The following SMARCA4 variants were observed in gnomAD, a reference collection of about 807,000 sequenced individuals.
SMARCA4 encodes SWI/SNF-related matrix-associated actin-dependent regulator of chromatin subfamily A member 4.
Under a neutral mutation model 193.9 loss-of-function variants are expected in SMARCA4, and 31 were observed. The observed-to-expected ratio is 0.16, with a 90% CI of 0.12 to 0.22. SMARCA4 has a LOEUF of 0.22. Among genes scored for constraint, SMARCA4 ranks in the 10% least tolerant of loss-of-function variants. The probability of loss-of-function intolerance (pLI) is 1.00; values close to 1 mark genes in which losing one functional copy is unlikely to be tolerated. For synonymous variants in SMARCA4, 942 were observed against 933.1 expected, an observed-to-expected ratio of 1.01 and a Z score of -0.17; for missense variants, 1,148 against 2,296.0, an observed-to-expected ratio of 0.50 and a Z score of 10.22.
intron 16 of SMARCA4, among the ~76,000 whole-genome samples, chr19:11,014,995 A>G (rs1438497976): frequency 2.0e-5 from 3 of 151,852 alleles, no homozygotes; most frequent in Non-Finnish European, 4.4e-5. Flanking sequence ...TTGCATTTTT[A>G]GTAGAGACAG....
chr19:10,995,259 G>A (rs1202424114), intron 9 of SMARCA4: 1 of 628,990 alleles, frequency 1.6e-6, no homozygotes, highest in Non-Finnish European at 3.0e-6. Context: ...TGGAGGTGGT[G>A]CCCCCTTCCC....
At chr19:11,018,195 G>C (rs900374671) in intron 16 of SMARCA4, 10 of 159,844 alleles carry the variant, frequency 6.3e-5, no homozygotes, top group African/African-American at 2.4e-4. Context: ...GGACCACCCC[G>C]TCTAGACTTT....
At position 11,002,349 on chromosome 19, in the gene SMARCA4, G is replaced by A. The variant is rs960582865; in HGVS notation, c.1813-680G>A. 4.6e-5 allele frequency among the ~76,000 whole-genome samples: 7 copies of A among 152,048 alleles called. No homozygotes were observed. The South Asian group carries it at 1.0e-3, about 23-fold the overall frequency. ...TAAAAATTAGCTGGGCATGGTGATG[G>A]GCACCTGTAGTCCCAGCTACTCTGG... is the stretch of plus-strand genomic sequence containing the variant. On this transcript the variant is annotated intron_variant, in intron 11 of 34. Transcript: ENST00000344626.
chr19:11,000,396 C>T (rs963480103), intron 11 of SMARCA4, among the ~76,000 whole-genome samples: 7 of 151,984 alleles, frequency 4.6e-5, no homozygotes, highest in African/African-American at 9.7e-5. Flanking sequence ...AGGCTTGGTG[C>T]GCACGCCTGT....
intron 30 of SMARCA4, among the ~76,000 whole-genome samples, chr19:11,049,041 G>A (rs2076108066): frequency 2.0e-5 from 3 of 152,148 alleles, no homozygotes; most frequent in Admixed American, 1.3e-4. Flanking sequence ...GTGTTCTGTG[G>A]TACCATGCCG....
chr19:10,991,058 G>A, intron 7 of SMARCA4, 92 bp from the exon 8 acceptor site: 2 of 1,574,796 alleles, frequency 1.3e-6, no homozygotes, highest in Non-Finnish European at 1.7e-6. Context: ...TGCTCCTTTA[G>A]CGGTGAAGCA....
At position 10,975,017 on chromosome 19, in the gene SMARCA4, C is replaced by CTTTT. The variant is rs760199710; in HGVS notation, c.-31-9085_-31-9082dup. Reference sequence around the variant, plus strand: ...CCAGCCATATGCATATATAGTTATTCTTTTTTTTTTTTTTTTTTTTTTGAG... The same window carrying CTTTT: ...CCAGCCATATGCATATATAGTTATTCTTTTTTTTTTTTTTTTTTTTTTTTTTGAG... On this transcript the variant is annotated intron_variant, in intron 1 of 34. Coordinates refer to ENST00000344626, the MANE Select transcript of SMARCA4 (RefSeq NM_003072.5). 9.8e-4 allele frequency among the ~76,000 whole-genome samples: 99 copies of CTTTT among 101,048 alleles called. 5 individuals carry two copies. The highest frequency in any genetic ancestry group is 3.4e-3 in the African/African-American group (84 of 24,990). 66.3% of individuals were successfully genotyped at this position (101,048 alleles called of 152,430 possible). A position where few individuals can be genotyped will look rare whatever the true frequency, so the allele number is the denominator to read the frequency against.
rs1568547728 is a variant in SMARCA4, at chr19:11,051,133, C to T, written c.4425-7122C>T. ...GAGCCGTGCTGGGGTTCTGCGCCTG[C>T]CCCAGGATTTGCTGGAAGAAGCTCC... On this transcript the variant is annotated intron_variant, in intron 30 of 34. Coordinates refer to ENST00000344626, the MANE Select transcript of SMARCA4 (RefSeq NM_003072.5). 2.0e-5 allele frequency among the ~76,000 whole-genome samples: 3 copies of T among 152,256 alleles called. No individual in the cohort carries two copies. In the South Asian group the frequency reaches 6.2e-4, roughly 31 times the overall value.
intron 9 of SMARCA4, 103 bp downstream of exon 9, chr19:10,995,104 G>A (rs546066994): frequency 1.2e-5 from 13 of 1,101,866 alleles, no homozygotes; most frequent in Admixed American, 7.9e-5. Flanking sequence ...TTCACAGCTC[G>A]GAGTTAGAGG....
chr19:11,003,470 C>G (rs2146112485), intron 13 of SMARCA4, 73 bp downstream of exon 13: 2 of 1,360,440 alleles, frequency 1.5e-6, no homozygotes, highest in South Asian at 1.2e-5. Context: ...TGTGTTGTGA[C>G]CGTCTCCTGC....
chr19:11,025,372 CACCCCAGGAGGGCAAG>C, intron 21 of SMARCA4, 34 bp from the exon 22 acceptor site: 1 of 1,313,246 alleles, frequency 7.6e-7, no homozygotes, highest in Middle Eastern at 1.8e-4. Context: ...AAGCCCACCC[CACCCCAGGAGGGCAAG>C]ACCCCATTTG....
rs773914449 is a variant in SMARCA4, at chr19:11,034,991, C to G, written c.4029C>G (p.Leu1343=). 1.2e-6 allele frequency: 2 copies of G among 1,609,614 alleles called. No individual in the cohort carries two copies. The highest frequency in any genetic ancestry group is 2.2e-5 in the South Asian group (2 of 90,368). The change falls in exon 29 of 35, where the codon CTC becomes CTG. Residue 1343 remains leucine, a synonymous_variant. Transcript: ENST00000344626. This position sits in a 1 kb window ranked among gnomAD's most constrained non-coding sequence, Gnocchi z 7.0. ...RKPRLMEEDE[L]PSWIIKDDAE... ...CGCGCCTCATGGAGGAGGACGAGCT[C>G]CCCTCGTGGATCATCAAGGACGACG...
In SMARCA4 at chr19:10,985,156, G is replaced by A. The variant is rs1001781424; in HGVS notation, c.223-117G>A. The A allele has an allele frequency of 7.7e-6, 8 of 1,033,072 alleles. No individual in the cohort carries two copies. The highest frequency in any genetic ancestry group is 6.3e-5 in the African/African-American group (4 of 63,308). 64.0% of individuals were successfully genotyped at this position (1,033,072 alleles called of 1,614,324 possible). A position where few individuals can be genotyped will look rare whatever the true frequency, so the allele number is the denominator to read the frequency against. ...GTCATGCTGGGGACTGGGGAGATGC[G>A]CGTCATCTTCGGGTGGCTGTTCTCG... is the stretch of plus-strand genomic sequence containing the variant. On this transcript the variant is annotated intron_variant, in intron 2 of 34. Transcript: ENST00000344626. The surrounding 1 kb of genome is among the most constrained non-coding windows in gnomAD (Gnocchi z 4.5).
At chr19:11,050,868 C>G (rs2076219542) in intron 30 of SMARCA4, among the ~76,000 whole-genome samples, 1 of 152,214 alleles carries the variant, frequency 6.6e-6, no homozygotes, top group South Asian at 2.1e-4. Context: ...CTCCTCAGGG[C>G]TGTCTGGCCC....
rs754024829 is a variant in SMARCA4, at chr19:11,003,340, G to A, written c.1944G>A (p.Gly648=). 1.9e-6 allele frequency: 3 copies of A among 1,613,702 alleles called. No individual in the cohort carries two copies. Among genetic ancestry groups the A allele is most frequent in the Non-Finnish European group, 2.5e-6 (3 of 1,179,684 alleles). Residue 648 remains glycine (G), a splice_region_variant and synonymous_variant, in exon 13 of 35, where the codon GGG becomes GGA. Transcript: ENST00000344626. Reference sequence around the variant, plus strand: ...ATGAAAGCCCTTACATTTTTTCTAGGTATGAAGTAGCTCCGAGGTCTGATA... The same window carrying A: ...ATGAAAGCCCTTACATTTTTTCTAGATATGAAGTAGCTCCGAGGTCTGATA... ...QLEAWLEMNP[G]YEVAPRSDSE...
rs1600407688 is a variant in SMARCA4 at position 11,035,144 on chromosome 19, A to G, written c.4170+12A>G. On this transcript the variant is annotated intron_variant, in intron 29 of 34. Coordinates refer to ENST00000344626, the MANE Select transcript of SMARCA4 (RefSeq NM_003072.5). ...AGCAGTGGCTCAAGGTACATGCTGG[A>G]GAGGCCCAGCAGCTGCCGCAGGCCA... The G allele has an allele frequency of 6.2e-7, 1 of 1,606,768 alleles. No individual in the cohort carries two copies. Among genetic ancestry groups the G allele is most frequent in the South Asian group, 1.1e-5 (1 of 90,392 alleles).
chr19:10,966,925 T>A (rs2084270604), intron 1 of SMARCA4, among the ~76,000 whole-genome samples: 1 of 150,454 alleles, frequency 6.6e-6, no homozygotes, highest in East Asian at 1.9e-4. Flanking sequence ...TTGGGAAGGA[T>A]AACAGCTGCT....
chr19:11,034,596 C>G lies in SMARCA4; in HGVS notation c.3952-318C>G, dbSNP rs1418672910. Among the ~76,000 whole-genome samples, 1 of 152,140 alleles carries G rather than the reference C, an allele frequency of 6.6e-6. No homozygotes were observed. The highest frequency in any genetic ancestry group is 1.5e-5 in the Non-Finnish European group (1 of 68,022). On this transcript the variant is annotated intron_variant, in intron 28 of 34. Transcript: ENST00000344626. The surrounding 1 kb of genome is among the most constrained non-coding windows in gnomAD (Gnocchi z 7.0). ...GGAAATAAGCCACCCAAGCAGGGGC[C>G]CCTTGGCCCGCAGGCCTCATGCCTC...
chr19:10,972,478 G>C (rs1460491568), intron 1 of SMARCA4, among the ~76,000 whole-genome samples: 1 of 151,454 alleles, frequency 6.6e-6, no homozygotes, highest in Non-Finnish European at 1.5e-5. Flanking sequence ...CTGTCACTCT[G>C]CTGTCCACTC....
Sources: allele counts gnomAD v4.1 joint callset (sites outside exome capture counted in the v4.1 genomes callset), GRCh38; gene constraint gnomAD v4.1.1; non-coding constraint Gnocchi (gnomAD v3.1); transcripts MANE v1.5; gene names NCBI Gene and HGNC (gene_info 2026-07-23, HGNC 2026-07-21).